DOCK8: variants seen among roughly 807,000 people sequenced by gnomAD.
DOCK8 encodes dedicator of cytokinesis protein 8.
DOCK8 carries 141 observed loss-of-function variants against 245.6 expected under a neutral mutation model. The observed-to-expected ratio is 0.57, with a 90% confidence interval of 0.50 to 0.66. The LOEUF is 0.66. Ranked by LOEUF, DOCK8 falls within the 30% of genes least tolerant of loss-of-function variation. The pLI is 0.00. For missense variants in DOCK8, 2,965 were observed against 2,603.4 expected, an observed-to-expected ratio of 1.14 and a Z score of -3.02; for synonymous variants, 1,168 against 970.2, an observed-to-expected ratio of 1.20 and a Z score of -3.79.
At chr9:267,862 T>C (rs535462488) in intron 1 of DOCK8, 4 of 152,390 alleles carry the variant, frequency 2.6e-5, no homozygotes, top group African/African-American at 9.6e-5. Context: ...AGAATTCTTA[T>C]GTTCATTTCT....
intron 1 of DOCK8, among the ~76,000 whole-genome samples, chr9:269,433 A>G (rs767504318): frequency 6.6e-6 from 1 of 152,006 alleles, no homozygotes; most frequent in Non-Finnish European, 1.5e-5. Flanking sequence ...TGGATATACA[A>G]CTTTTTGTTA....
At chr9:289,413 G>T in intron 3 of DOCK8, 97 bp from the exon 4 acceptor site, 1 of 948,176 alleles carries the variant, frequency 1.1e-6, no homozygotes, top group South Asian at 1.3e-5. Context: ...TCACTGATAA[G>T]GATTTAAATT....
At chr9:216,847 A>G (rs926432376) in intron 1 of DOCK8, among the ~76,000 whole-genome samples, 2 of 152,136 alleles carry the variant, frequency 1.3e-5, no homozygotes, top group African/African-American at 4.8e-5. Flanking sequence ...CAGTCTTGCA[A>G]GCAACTGCGG....
At chr9:367,918 A>G in intron 14 of DOCK8, 100 bp from the exon 15 acceptor site, 1 of 999,822 alleles carries the variant, frequency 1.0e-6, no homozygotes, top group Non-Finnish European at 1.6e-6. Context: ...ACTTCTTTGG[A>G]AAAAGCACCC....
intron 1 of DOCK8, among the ~76,000 whole-genome samples, chr9:234,635 A>G (rs1282684875): frequency 2.0e-5 from 3 of 151,838 alleles, no homozygotes; most frequent in Non-Finnish European, 4.4e-5. Context: ...TTCTCACTTC[A>G]TTTCATTCAT....
At chr9:392,474 A>G (rs796122908) in intron 24 of DOCK8, among the ~76,000 whole-genome samples, 28 of 152,310 alleles carry the variant, frequency 1.8e-4, no homozygotes, top group African/African-American at 6.5e-4. Flanking sequence ...TGCTTAGTAA[A>G]AATAAAGCAG....
chr9:438,636 C>T (rs929043027), intron 39 of DOCK8, among the ~76,000 whole-genome samples: 1 of 152,194 alleles, frequency 6.6e-6, no homozygotes, highest in African/African-American at 2.4e-5. Flanking sequence ...ACCATGGTCT[C>T]TGCATGCTCT....
chr9:319,198 G>A (rs574571824), intron 7 of DOCK8, among the ~76,000 whole-genome samples: 4 of 152,248 alleles, frequency 2.6e-5, no homozygotes, highest in East Asian at 3.9e-4. Context: ...TGGAAGGATC[G>A]CTTGAGGCCA....
Position 235,170 on chromosome 9 carries a change from G to C in DOCK8, c.53+20141G>C, listed in dbSNP as rs369054282. 4.6e-5 allele frequency among the ~76,000 whole-genome samples: 7 copies of C among 152,320 alleles called. No individual in the cohort carries two copies. In the East Asian group the frequency reaches 1.2e-3, roughly 25 times the overall value. The stretch of plus-strand genomic sequence containing the variant: ...AGTTTGCTAGAGGTCCACTCCAGAC[G>C]CTGTTTGCCTGGGTATCAGCAGCGG... On this transcript the variant is annotated intron_variant, in intron 1 of 47. Coordinates refer to ENST00000432829, the MANE Select transcript of DOCK8 (RefSeq NM_203447.4).
At chr9:307,278 C>T (rs780977179) in intron 5 of DOCK8, among the ~76,000 whole-genome samples, 17 of 148,860 alleles carry the variant, frequency 1.1e-4, no homozygotes, top group Admixed American at 2.7e-4. Context: ...ACAAAGCACA[C>T]GCTTTCCTGC....
chr9:350,826 C>T (rs1457723501), intron 14 of DOCK8, among the ~76,000 whole-genome samples: 6 of 152,212 alleles, frequency 3.9e-5, no homozygotes, highest in Admixed American at 2.6e-4. Context: ...GGGGACCAGT[C>T]AGCCTGTCAG....
At chr9:364,595 C>G (rs2052884651) in intron 14 of DOCK8, among the ~76,000 whole-genome samples, 1 of 145,046 alleles carries the variant, frequency 6.9e-6, no homozygotes, top group Non-Finnish European at 1.5e-5. Flanking sequence ...GATCATACCA[C>G]TGTACTCCAG....
intron 2 of DOCK8, among the ~76,000 whole-genome samples, chr9:272,118 G>A (rs1340110710): frequency 6.6e-6 from 1 of 152,074 alleles, no homozygotes; most frequent in East Asian, 1.9e-4. Context: ...CCTCCTTTTT[G>A]TAAAATAATT....
At chr9:229,072 A>C (rs140900632) in intron 1 of DOCK8, among the ~76,000 whole-genome samples, 68 of 152,328 alleles carry the variant, frequency 4.5e-4, no homozygotes, top group Middle Eastern at 3.4e-3. Context: ...CTCCAACGTC[A>C]CTTCCACCAC....
At chr9:304,104 G>C (rs941983202) in intron 4 of DOCK8, among the ~76,000 whole-genome samples, 1 of 152,162 alleles carries the variant, frequency 6.6e-6, no homozygotes, top group Non-Finnish European at 1.5e-5. Context: ...TGTTTGCAAA[G>C]TTAAATCATT....
intron 1 of DOCK8, among the ~76,000 whole-genome samples, chr9:265,132 A>T (rs2048007401): frequency 6.6e-6 from 1 of 152,134 alleles, no homozygotes; most frequent in African/African-American, 2.4e-5. Flanking sequence ...GGGTCTCACC[A>T]TGTTGGCCAG....
At chr9:331,205 A>G (rs1354924258) in intron 9 of DOCK8, among the ~76,000 whole-genome samples, 1 of 152,212 alleles carries the variant, frequency 6.6e-6, no homozygotes, top group East Asian at 1.9e-4. Context: ...TATAGAAGGT[A>G]CTCAACAATA....
At chr9:322,569 G>C (rs940963413) in intron 7 of DOCK8, among the ~76,000 whole-genome samples, 1 of 150,988 alleles carries the variant, frequency 6.6e-6, no homozygotes, top group Admixed American at 6.6e-5. Flanking sequence ...TCTGCATTAC[G>C]CTGTAGTTGT....
chr9:330,269 T>C (rs2050949706), intron 9 of DOCK8, among the ~76,000 whole-genome samples: 1 of 152,204 alleles, frequency 6.6e-6, no homozygotes, highest in African/African-American at 2.4e-5. Context: ...AATTGGAAAC[T>C]TTTCAAAAAT....
Sources: gnomAD v4.1 joint callset for allele counts (sites outside exome capture counted in the v4.1 genomes callset) on GRCh38, gnomAD v4.1.1 for gene constraint, MANE v1.5 for transcripts, NCBI Gene and HGNC (gene_info 2026-07-23, HGNC 2026-07-21) for gene names.